GALNTL6: variants seen among roughly 807,000 people sequenced by gnomAD.
GALNTL6 encodes polypeptide N-acetylgalactosaminyltransferase-like 6.
A neutral mutation model predicts 73.7 loss-of-function variants in GALNTL6; 46 were observed. That is an observed-to-expected ratio of 0.62 (90% CI 0.49 to 0.80). The LOEUF (loss-of-function observed/expected upper bound fraction) is 0.80. Ranked by LOEUF, GALNTL6 falls within the 30% of genes least tolerant of loss-of-function variation. The pLI is 0.00. For synonymous variants in GALNTL6, 259 were observed against 263.7 expected, an observed-to-expected ratio of 0.98 and a Z score of 0.17; for missense variants, 604 against 755.0, an observed-to-expected ratio of 0.80 and a Z score of 2.34.
At chr4:172,927,087 A>G (rs1423045450) in intron 8 of GALNTL6, among the ~76,000 whole-genome samples, 2 of 152,200 alleles carry the variant, frequency 1.3e-5, no homozygotes. Context: ...TGATTCTACC[A>G]TCTGCTAGGG....
intron 5 of GALNTL6, among the ~76,000 whole-genome samples, chr4:172,415,397 A>T (rs556241766): frequency 6.6e-6 from 1 of 152,268 alleles, no homozygotes; most frequent in South Asian, 2.1e-4. Flanking sequence ...CATGTGAGGG[A>T]TTCTACTCCA....
At chr4:173,021,853 C>T (rs766733425) in intron 12 of GALNTL6, among the ~76,000 whole-genome samples, 7 of 151,604 alleles carry the variant, frequency 4.6e-5, no homozygotes, top group Admixed American at 1.3e-4. Context: ...AAAAGTCAGG[C>T]GTAGTGATGG....
At chr4:172,901,534 T>C (rs960913036) in intron 8 of GALNTL6, among the ~76,000 whole-genome samples, 11 of 152,166 alleles carry the variant, frequency 7.2e-5, no homozygotes, top group African/African-American at 2.4e-4. Context: ...GGCCATAATA[T>C]AGAAATTAAG....
rs550928792 is a variant in GALNTL6 at position 172,909,895 on chromosome 4, G to A, written c.1042-21266G>A. 4.0e-4 allele frequency among the ~76,000 whole-genome samples: 60 copies of A among 151,796 alleles called. 1 individual carries two copies. The highest frequency in any genetic ancestry group is 7.5e-4 in the Non-Finnish European group (51 of 67,866). ...AAAACACTAAAGATTTATCACTAAGGGACTGATTGAATTAATTATTATCTA... is the reference window on the plus strand; with the variant it reads ...AAAACACTAAAGATTTATCACTAAGAGACTGATTGAATTAATTATTATCTA... On this transcript the variant is annotated intron_variant, in intron 8 of 12. Coordinates refer to ENST00000506823, the MANE Select transcript of GALNTL6 (RefSeq NM_001034845.3).
In GALNTL6 at chr4:172,815,044, C is replaced by T. The variant is rs77483285; in HGVS notation, c.923+1321C>T. Among the ~76,000 whole-genome samples the T allele has an allele frequency of 4.6e-3, 699 of 152,202 alleles. 5 individuals carry two copies. Among genetic ancestry groups the T allele is most frequent in the African/African-American group, 0.016 (658 of 41,522 alleles). Reference sequence around the variant, plus strand: ...TAGAAAATCTTTTTAGTAATCTAAGCAAAGTGTTTCTAATAAGCATTTGAA... The same window carrying T: ...TAGAAAATCTTTTTAGTAATCTAAGTAAAGTGTTTCTAATAAGCATTTGAA... On this transcript the variant is annotated intron_variant, in intron 7 of 12. Coordinates refer to ENST00000506823, the MANE Select transcript of GALNTL6 (RefSeq NM_001034845.3).
intron 2 of GALNTL6, among the ~76,000 whole-genome samples, chr4:171,858,215 A>ATT (rs1306703100): frequency 3.3e-5 from 5 of 152,120 alleles, no homozygotes; most frequent in Non-Finnish European, 7.4e-5. Context: ...AGATGGACTT[A>ATT]TTTGTATGAT....
chr4:172,193,742 AG>A (rs1735657383), intron 2 of GALNTL6, among the ~76,000 whole-genome samples: 1 of 152,178 alleles, frequency 6.6e-6, no homozygotes, highest in African/African-American at 2.4e-5. Context: ...AGGTGCCTGT[AG>A]TCCCAGCTAC....
intron 2 of GALNTL6, among the ~76,000 whole-genome samples, chr4:171,960,286 T>C (rs536447422): frequency 5.9e-5 from 9 of 151,766 alleles, no homozygotes; most frequent in South Asian, 2.1e-4. Context: ...TTTTCTCTTA[T>C]TTTTTTTGGA....
At chr4:171,953,044 C>G (rs1251790363) in intron 2 of GALNTL6, among the ~76,000 whole-genome samples, 2 of 151,820 alleles carry the variant, frequency 1.3e-5, no homozygotes, top group African/African-American at 4.8e-5. Flanking sequence ...CACAAGATAA[C>G]TAGGGGCCAA....
intron 5 of GALNTL6, among the ~76,000 whole-genome samples, chr4:172,643,826 G>A (rs1049371260): frequency 2.6e-5 from 4 of 151,672 alleles, no homozygotes; most frequent in Non-Finnish European, 4.4e-5. Flanking sequence ...TGGATATTTT[G>A]GGTTGTTTCT....
At chr4:172,768,042 C>T (rs1019498975) in intron 5 of GALNTL6, among the ~76,000 whole-genome samples, 1 of 152,078 alleles carries the variant, frequency 6.6e-6, no homozygotes, top group Non-Finnish European at 1.5e-5. Context: ...GCACACATAC[C>T]CGCCACCAAG....
At chr4:171,851,698 A>T (rs901519303) in intron 2 of GALNTL6, among the ~76,000 whole-genome samples, 12 of 152,158 alleles carry the variant, frequency 7.9e-5, no homozygotes, top group African/African-American at 2.9e-4. Flanking sequence ...TCTTTTCATT[A>T]TTGCATGTGA....
chr4:172,735,319 A>G, intron 5 of GALNTL6, among the ~76,000 whole-genome samples: 1 of 152,152 alleles, frequency 6.6e-6, no homozygotes. Context: ...AAAGGAGATT[A>G]TTTTGGAACT....
intron 5 of GALNTL6, among the ~76,000 whole-genome samples, chr4:172,792,477 G>A (rs113052545): frequency 1.1e-4 from 16 of 151,954 alleles, no homozygotes; most frequent in African/African-American, 3.6e-4. Flanking sequence ...GGAAGTATGG[G>A]GTGAGATTTT....
At chr4:172,529,706 A>G (rs1735103139) in intron 5 of GALNTL6, among the ~76,000 whole-genome samples, 1 of 143,306 alleles carries the variant, frequency 7.0e-6, no homozygotes, top group Admixed American at 7.0e-5. Context: ...TGTTGTTGAG[A>G]TGGAGTCTTG....
At chr4:172,263,820 A>C (rs1422362943) in intron 3 of GALNTL6, among the ~76,000 whole-genome samples, 4 of 151,602 alleles carry the variant, frequency 2.6e-5, no homozygotes, top group African/African-American at 9.7e-5. Flanking sequence ...GAGGAAATGT[A>C]TGTACATAAG....
intron 2 of GALNTL6, among the ~76,000 whole-genome samples, chr4:171,917,890 G>C (rs1578970530): frequency 6.6e-6 from 1 of 152,174 alleles, no homozygotes; most frequent in East Asian, 1.9e-4. Context: ...CCTACCACCT[G>C]ACAGAAGAGT....
intron 9 of GALNTL6, among the ~76,000 whole-genome samples, chr4:172,940,133 G>A (rs953778412): frequency 4.7e-5 from 7 of 150,122 alleles, no homozygotes; most frequent in Non-Finnish European, 5.9e-5. Flanking sequence ...AAATATGTGA[G>A]GTAAAGACAA....
chr4:172,579,410 G>A (rs1369227702), intron 5 of GALNTL6, among the ~76,000 whole-genome samples: 1 of 152,128 alleles, frequency 6.6e-6, no homozygotes, highest in Admixed American at 6.6e-5. Flanking sequence ...CTTTATCTGT[G>A]TATCATGGCA....
Sources: gnomAD v4.1 joint callset for allele counts (sites outside exome capture counted in the v4.1 genomes callset) on GRCh38, gnomAD v4.1.1 for gene constraint, MANE v1.5 for transcripts, NCBI Gene and HGNC (gene_info 2026-07-23, HGNC 2026-07-21) for gene names.